Variants in COL22A1 observed in about 807,000 individuals in gnomAD.
The protein encoded by COL22A1 is collagen type XXII alpha 1 chain, also known as collagen alpha-1(XXII) chain.
COL22A1 carries 221 observed loss-of-function variants against 248.9 expected under a neutral mutation model. The ratio of observed to expected loss-of-function variants is 0.89; its 90% confidence interval spans 0.80 to 0.99. COL22A1 has a LOEUF of 0.99. Ranked by LOEUF, COL22A1 falls within the 50% of genes least tolerant of loss-of-function variation. COL22A1 has a pLI of 0.00. For missense variants in COL22A1, 2,240 were observed against 2,179.0 expected, an observed-to-expected ratio of 1.03 and a Z score of -0.56; for synonymous variants, 891 against 793.4, an observed-to-expected ratio of 1.12 and a Z score of -2.07.
At chr8:138,722,601 C>A (rs753252024) in intron 25 of COL22A1, among the ~76,000 whole-genome samples, 1 of 152,176 alleles carries the variant, frequency 6.6e-6, no homozygotes, top group Non-Finnish European at 1.5e-5. Context: ...AGGAGCTCCA[C>A]GTTATACTTT....
intron 5 of COL22A1, among the ~76,000 whole-genome samples, chr8:138,831,159 G>A (rs993593691): frequency 1.3e-5 from 2 of 152,142 alleles, no homozygotes. Context: ...TGCCTGGTGT[G>A]TGGCTGGCAC....
chr8:138,592,733 ATCGG>A (rs67918814), intron 63 of COL22A1, among the ~76,000 whole-genome samples: 33,693 of 151,830 alleles, frequency 0.22, 5,671 homozygotes, highest in African/African-American at 0.48. Context: ...CTTATTCCTA[ATCGG>A]TCGGACAGGA....
rs188785097 is a variant in COL22A1 at position 138,664,873 on chromosome 8, G to C, written c.3151-1133C>G. Among the ~76,000 whole-genome samples the C allele has an allele frequency of 2.2e-3, 330 of 152,308 alleles. 1 individual carries two copies. The highest frequency in any genetic ancestry group is 0.014 in the Middle Eastern group (4 of 294). On this transcript the variant is annotated intron_variant, in intron 41 of 64. Transcript: ENST00000303045. Reference sequence around the variant, plus strand: ...ATCAAACTAAGGTCCAGAGGAGAGAGAGAGAGACCTGCCCTAGCAACGCCA... The same window carrying C: ...ATCAAACTAAGGTCCAGAGGAGAGACAGAGAGACCTGCCCTAGCAACGCCA...
intron 16 of COL22A1, among the ~76,000 whole-genome samples, chr8:138,768,325 A>G (rs1013266904): frequency 4.6e-5 from 7 of 152,146 alleles, no homozygotes; most frequent in African/African-American, 1.4e-4. Flanking sequence ...CTGTCACTGA[A>G]GCACACTCTT....
At chr8:138,812,660 C>G (rs1818341040) in intron 8 of COL22A1, among the ~76,000 whole-genome samples, 1 of 151,800 alleles carries the variant, frequency 6.6e-6, no homozygotes, top group African/African-American at 2.4e-5. Flanking sequence ...TTAGAAACAC[C>G]CTCCCAGCCC....
At chr8:138,742,997 A>C (rs573236976) in intron 22 of COL22A1, among the ~76,000 whole-genome samples, 1 of 145,914 alleles carries the variant, frequency 6.9e-6, no homozygotes, top group East Asian at 2.2e-4. Flanking sequence ...GGTGGAGTTG[A>C]TGATGATGGT....
chr8:138,816,725 C>A (rs1254408633), intron 7 of COL22A1, among the ~76,000 whole-genome samples: 1 of 152,202 alleles, frequency 6.6e-6, no homozygotes, highest in Non-Finnish European at 1.5e-5. Flanking sequence ...AGCACAGTGT[C>A]AGCCACAGAT....
At chr8:138,637,956 C>T (rs540483747) in intron 47 of COL22A1, among the ~76,000 whole-genome samples, 152 of 152,202 alleles carry the variant, frequency 1.0e-3, no homozygotes, top group African/African-American at 3.4e-3. Context: ...TTTCCATCAC[C>T]GTCATCATCC....
intron 16 of COL22A1, among the ~76,000 whole-genome samples, chr8:138,772,642 G>C (rs1038409302): frequency 6.6e-6 from 1 of 152,200 alleles, no homozygotes; most frequent in African/African-American, 2.4e-5. Context: ...TCTTAGGTCA[G>C]AGATTATGCT....
intron 60 of COL22A1, 90 bp from the exon 61 acceptor site, chr8:138,598,988 T>A (rs1236864976): frequency 7.3e-7 from 1 of 1,364,122 alleles, no homozygotes; most frequent in African/African-American, 1.4e-5. Context: ...AGTCTGCCTC[T>A]TAGATCACTG....
At chr8:138,615,911 C>T in intron 55 of COL22A1, 90 bp downstream of exon 55, 1 of 929,792 alleles carries the variant, frequency 1.1e-6, no homozygotes, top group Non-Finnish European at 1.7e-6. Context: ...GTGCTGCCAC[C>T]AGCCATTGTG....
rs560639822 is a variant in COL22A1, at chr8:138,800,512, G to A, written c.1557+2360C>T. ...TATATCTGTCTCACAAATGTGAAAA[G>A]TGAAGCTCAGAAAGTTCTAGCGACT... On this transcript the variant is annotated intron_variant, in intron 11 of 64. Transcript: ENST00000303045. Among the ~76,000 whole-genome samples, 77 of 152,314 alleles carry A rather than the reference G, an allele frequency of 5.1e-4. 1 individual carries two copies. Among genetic ancestry groups the A allele is most frequent in the Non-Finnish European group, 4.4e-4 (30 of 68,026 alleles).
At chr8:138,861,567 T>TA (rs1822459151) in intron 3 of COL22A1, among the ~76,000 whole-genome samples, 1 of 152,204 alleles carries the variant, frequency 6.6e-6, no homozygotes, top group African/African-American at 2.4e-5. Context: ...ACCCTCTCTG[T>TA]ACATGTTCCT....
intron 27 of COL22A1, among the ~76,000 whole-genome samples, chr8:138,717,086 G>T (rs1829498097): frequency 6.6e-6 from 1 of 152,110 alleles, no homozygotes; most frequent in Non-Finnish European, 1.5e-5. Flanking sequence ...ATAGTCTTTT[G>T]CTTTCCCCAA....
At chr8:138,646,403 T>C (rs1047813883) in intron 47 of COL22A1, among the ~76,000 whole-genome samples, 1 of 152,220 alleles carries the variant, frequency 6.6e-6, no homozygotes, top group African/African-American at 2.4e-5. Flanking sequence ...ATGCATTTCA[T>C]ACTTTCCAAC....
intron 5 of COL22A1, among the ~76,000 whole-genome samples, chr8:138,831,728 G>T (rs1281870268): frequency 1.3e-5 from 2 of 152,190 alleles, no homozygotes; most frequent in African/African-American, 4.8e-5. Flanking sequence ...AGGCAGGACA[G>T]GGCTGGGTCA....
Position 138,630,733 on chromosome 8 carries a change from C to A in COL22A1, c.3625G>T (p.Ala1209Ser), listed in dbSNP as rs1159851210. 1.2e-6 allele frequency: 2 copies of A among 1,613,896 alleles called. No homozygotes were observed. Among genetic ancestry groups the A allele is most frequent in the African/African-American group, 2.7e-5 (2 of 75,012 alleles). ...ATTCCTGGTGGTCCAGCAGCTCCTG[C>A]AATTCCATCTGCCCCCTAAAAAAGA... ...NPGPPGADGIAGAAGPPGIQG... is the reference protein window; with the variant it reads ...NPGPPGADGISGAAGPPGIQG... Residue 1209 changes from alanine (A) to serine (S), a missense_variant, in exon 50 of 65, where the codon GCA becomes TCA. Coordinates refer to ENST00000303045, the MANE Select transcript of COL22A1 (RefSeq NM_152888.3).
intron 44 of COL22A1, among the ~76,000 whole-genome samples, chr8:138,656,888 T>C (rs1301593198): frequency 1.3e-5 from 2 of 152,164 alleles, no homozygotes; most frequent in Non-Finnish European, 2.9e-5. Flanking sequence ...AGTCTGCCAT[T>C]TTGGGAAGGC....
chr8:138,792,474 T>C lies in COL22A1; in HGVS notation c.1596+4345A>G, dbSNP rs1223419969. Among the ~76,000 whole-genome samples, 8 of 152,248 alleles carry C rather than the reference T, an allele frequency of 5.3e-5. No individual in the cohort carries two copies. In the East Asian group the frequency reaches 1.5e-3, roughly 29 times the overall value. On this transcript the variant is annotated intron_variant, in intron 12 of 64. Coordinates refer to ENST00000303045, the MANE Select transcript of COL22A1 (RefSeq NM_152888.3). ...TTCTTTCAACTGGCTCCTTTCATGG[T>C]AGCAACATGGCTATGGGAATTTCAA...
Sources: allele counts gnomAD v4.1 joint callset (sites outside exome capture counted in the v4.1 genomes callset), GRCh38; gene constraint gnomAD v4.1.1; transcripts MANE v1.5; gene names NCBI Gene and HGNC (gene_info 2026-07-23, HGNC 2026-07-21).